The following ELMOD1 variants were observed in gnomAD, a reference collection of about 807,000 sequenced individuals.
ELMOD1 encodes ELMO domain-containing protein 1.
Under a neutral mutation model 46.7 loss-of-function variants are expected in ELMOD1, and 21 were observed. The observed-to-expected ratio is 0.45, with a 90% CI of 0.32 to 0.65. The LOEUF is 0.65. ELMOD1 is among the 30% of genes least tolerant of loss of function. The pLI, the probability that ELMOD1 is intolerant of heterozygous loss-of-function variation, is 0.04. For missense variants in ELMOD1, 348 were observed against 407.8 expected (o/e 0.85, Z 1.26); for synonymous variants, 122 against 138.2 (o/e 0.88, Z 0.82).
chr11:107,634,674 G>T (rs1344106650), intron 5 of ELMOD1, among the ~76,000 whole-genome samples: 1 of 152,150 alleles, frequency 6.6e-6, no homozygotes, highest in Admixed American at 6.5e-5. Flanking sequence ...TCAGGAGGCG[G>T]AGGTTGCAGT....
intron 10 of ELMOD1, among the ~76,000 whole-genome samples, chr11:107,654,459 T>G (rs923725520): frequency 1.4e-4 from 22 of 152,294 alleles, no homozygotes; most frequent in Admixed American, 8.5e-4. Context: ...AGGAAATGAT[T>G]TTCAGAAATC....
chr11:107,601,620 T>G (rs909441816), intron 1 of ELMOD1, among the ~76,000 whole-genome samples: 7 of 152,090 alleles, frequency 4.6e-5, no homozygotes, highest in Admixed American at 1.3e-4. Context: ...TTTGCCACGT[T>G]GCCCAATCTA....
chr11:107,636,665 G>T (rs1000872653), intron 6 of ELMOD1, among the ~76,000 whole-genome samples: 1 of 152,172 alleles, frequency 6.6e-6, no homozygotes, highest in African/African-American at 2.4e-5. Flanking sequence ...TTGTGTGAAG[G>T]AGTGTATGTT....
rs370921637 is a variant in ELMOD1 at position 107,600,040 on chromosome 11, GA to G, written c.-86+8632del. Reference sequence around the variant, plus strand: ...ACCTGTGATGATTCTCAATTATGTGGATGGCACCTTTTTTTTTAAATTTCAT... The same window carrying G: ...ACCTGTGATGATTCTCAATTATGTGGTGGCACCTTTTTTTTTAAATTTCAT... On this transcript the variant is annotated intron_variant, in intron 1 of 11. Coordinates refer to ENST00000265840, the MANE Select transcript of ELMOD1 (RefSeq NM_018712.4). Among the ~76,000 whole-genome samples the G allele has an allele frequency of 9.9e-5, 15 of 152,096 alleles. 1 individual carries two copies. The highest frequency in any genetic ancestry group is 3.6e-4 in the African/African-American group (15 of 41,518).
chr11:107,630,578 A>G lies in ELMOD1; in HGVS notation c.163+16A>G, dbSNP rs779726123. On this transcript the variant is annotated intron_variant, in intron 3 of 11. Transcript: ENST00000265840. ...ATGAAAATCGGTAAGCCTGAGACAA[A>G]GAAGTAAGCAAAAGGTAGAGTTGGT... is the stretch of plus-strand genomic sequence containing the variant. 3.7e-6 allele frequency: 6 copies of G among 1,608,272 alleles called. No individual in the cohort carries two copies. Among genetic ancestry groups the G allele is most frequent in the Non-Finnish European group, 5.1e-6 (6 of 1,177,408 alleles).
chr11:107,630,474 A>G lies in ELMOD1; in HGVS notation c.75A>G (p.Lys25=). The G allele has an allele frequency of 6.2e-7, 1 of 1,607,570 alleles. No homozygotes were observed. The highest frequency in any genetic ancestry group is 8.5e-7 in the Non-Finnish European group (1 of 1,176,820). The change falls in exon 3 of 12, where the codon AAA becomes AAG. Residue 25 remains lysine (K), a synonymous_variant. Transcript: ENST00000265840. ...FYCKFLWRCL[K]FVMRKLTGRC... ...GTAAATTTCTGTGGCGCTGCCTGAA[A>G]TTTGTAATGAGGAAGCTAACTGGAA...
chr11:107,603,191 T>A (rs932672572), intron 1 of ELMOD1, among the ~76,000 whole-genome samples: 2 of 152,220 alleles, frequency 1.3e-5, no homozygotes, highest in African/African-American at 2.4e-5. Context: ...AGAGGGGTTA[T>A]GCCTAATTTC....
At chr11:107,657,647 T>C (rs891192934) in intron 11 of ELMOD1, among the ~76,000 whole-genome samples, 1 of 152,222 alleles carries the variant, frequency 6.6e-6, no homozygotes, top group African/African-American at 2.4e-5. Flanking sequence ...AGTATGGGAA[T>C]AGAATAAAGA....
chr11:107,598,177 A>C (rs560028939), intron 1 of ELMOD1, among the ~76,000 whole-genome samples: 25 of 152,302 alleles, frequency 1.6e-4, no homozygotes, highest in Non-Finnish European at 2.1e-4. Flanking sequence ...TAAGAGACTT[A>C]TTATGAGGAA....
intron 1 of ELMOD1, among the ~76,000 whole-genome samples, chr11:107,595,263 A>G (rs1396648767): frequency 2.6e-5 from 4 of 152,108 alleles, no homozygotes; most frequent in Non-Finnish European, 5.9e-5. Context: ...AATTATAAAA[A>G]TTACCCTATA....
intron 9 of ELMOD1, among the ~76,000 whole-genome samples, chr11:107,651,206 A>G (rs1866520607): frequency 6.6e-6 from 1 of 152,142 alleles, no homozygotes; most frequent in East Asian, 1.9e-4. Flanking sequence ...TTCTGACTCC[A>G]TTTACCCCAG....
intron 1 of ELMOD1, among the ~76,000 whole-genome samples, chr11:107,603,055 T>G (rs913743033): frequency 6.6e-6 from 1 of 152,204 alleles, no homozygotes; most frequent in East Asian, 1.9e-4. Flanking sequence ...ATTTACCAAG[T>G]AGATTTTCAT....
At chr11:107,645,147 C>G (rs1371938937) in intron 6 of ELMOD1, among the ~76,000 whole-genome samples, 1 of 144,122 alleles carries the variant, frequency 6.9e-6, no homozygotes, top group African/African-American at 2.6e-5. Context: ...CCGCGTTAAC[C>G]AGGATGGTCT....
At chr11:107,596,248 A>G (rs547671969) in intron 1 of ELMOD1, among the ~76,000 whole-genome samples, 1 of 152,134 alleles carries the variant, frequency 6.6e-6, no homozygotes, top group African/African-American at 2.4e-5. Flanking sequence ...GGTTTCATTC[A>G]TAATGAAACT....
At chr11:107,660,856 T>C (rs1439410178) in intron 11 of ELMOD1, among the ~76,000 whole-genome samples, 4 of 152,170 alleles carry the variant, frequency 2.6e-5, no homozygotes, top group African/African-American at 7.2e-5. Flanking sequence ...GCAATTATAC[T>C]CCTGTTTGCC....
intron 1 of ELMOD1, among the ~76,000 whole-genome samples, chr11:107,599,521 C>T (rs1277562406): frequency 1.3e-5 from 2 of 151,950 alleles, no homozygotes; most frequent in African/African-American, 4.8e-5. Flanking sequence ...GCAGGTGGAT[C>T]ACTTGAGGCC....
chr11:107,654,024 A>G, intron 9 of ELMOD1, 148 bp from the exon 10 acceptor site: 1 of 679,292 alleles, frequency 1.5e-6, no homozygotes, highest in East Asian at 2.7e-5. Flanking sequence ...ACCTCCATAT[A>G]AATTGTACTG....
At chr11:107,661,260 A>G (rs893586299) in intron 11 of ELMOD1, among the ~76,000 whole-genome samples, 1 of 152,288 alleles carries the variant, frequency 6.6e-6, no homozygotes, top group East Asian at 1.9e-4. Flanking sequence ...ATGTTTTTCT[A>G]TAATTGTGTG....
At chr11:107,659,147 G>A (rs549027715) in intron 11 of ELMOD1, among the ~76,000 whole-genome samples, 2 of 152,314 alleles carry the variant, frequency 1.3e-5, no homozygotes, top group South Asian at 4.1e-4. Flanking sequence ...GCCGGGTGGT[G>A]ACTAGAGATG....
Sources: gnomAD v4.1 joint callset for allele counts (sites outside exome capture counted in the v4.1 genomes callset) on GRCh38, gnomAD v4.1.1 for gene constraint, MANE v1.5 for transcripts, NCBI Gene and HGNC (gene_info 2026-07-23, HGNC 2026-07-21) for gene names.